RBPJ: variants seen among roughly 807,000 people sequenced by gnomAD.
RBPJ encodes the protein recombination signal binding protein for immunoglobulin kappa J region, also known as recombining binding protein suppressor of hairless.
RBPJ carries 9 observed loss-of-function variants against 67.8 expected under a neutral mutation model. The ratio of observed to expected loss-of-function variants is 0.13; its 90% CI spans 0.08 to 0.23. The LOEUF is 0.23. Among genes scored for constraint, RBPJ ranks in the 10% least tolerant of loss-of-function variants. The probability of loss-of-function intolerance (pLI) is 1.00; values close to 1 mark genes in which losing one functional copy is unlikely to be tolerated. For missense variants in RBPJ, 305 were observed against 595.6 expected (o/e 0.51, Z 5.08); for synonymous variants, 198 against 203.3 (o/e 0.97, Z 0.22).
chr4:26,240,693 G>T (rs1383272961), intron 1 of RBPJ, among the ~76,000 whole-genome samples: 1 of 152,126 alleles, frequency 6.6e-6, no homozygotes, highest in African/African-American at 2.4e-5. Flanking sequence ...TGCATTCCAG[G>T]TTTAATGTTA....
At chr4:26,244,676 G>A (rs1440068887) in intron 1 of RBPJ, among the ~76,000 whole-genome samples, 2 of 152,020 alleles carry the variant, frequency 1.3e-5, no homozygotes, top group African/African-American at 4.8e-5. Flanking sequence ...GGCCCAGGCT[G>A]GAGTGCAGTG....
rs577604400 is a variant in RBPJ, at chr4:26,175,380, G to A, written c.-167+11766G>A. Among the ~76,000 whole-genome samples the A allele has an allele frequency of 1.3e-5, 2 of 152,066 alleles. 1 individual carries two copies. The highest frequency in any genetic ancestry group is 4.8e-5 in the African/African-American group (2 of 41,370). ...TACAAGCTGGGGGAGCTTGAGCTGG[G>A]GGGGGGATTTGAGTCTGGGGGAGGC... On this transcript the variant is annotated intron_variant, in intron 1 of 4. Transcript: ENST00000512351.
chr4:26,378,538 G>A (rs1022796797), intron 1 of RBPJ, among the ~76,000 whole-genome samples: 1 of 152,134 alleles, frequency 6.6e-6, no homozygotes, highest in African/African-American at 2.4e-5. Flanking sequence ...ACTAAACCTG[G>A]AAACAATATT....
chr4:26,204,906 C>T (rs1718116620), intron 1 of RBPJ, among the ~76,000 whole-genome samples: 1 of 152,166 alleles, frequency 6.6e-6, no homozygotes, highest in Non-Finnish European at 1.5e-5. Flanking sequence ...ATAGTCTCAC[C>T]CCCTGCACTC....
intron 1 of RBPJ, among the ~76,000 whole-genome samples, chr4:26,204,037 C>T (rs1718079158): frequency 6.6e-6 from 1 of 152,128 alleles, no homozygotes; most frequent in Non-Finnish European, 1.5e-5. Context: ...TTCAACCTCC[C>T]AGGCTCAAGC....
At chr4:26,322,926 A>C (rs566530120) in intron 1 of RBPJ, 1 of 150,842 alleles carries the variant, frequency 6.6e-6, no homozygotes, top group African/African-American at 2.4e-5. Context: ...TTTTTTTTCT[A>C]CTGGTTGATC....
At chr4:26,313,217 C>T (rs930766119) in intron 1 of RBPJ, among the ~76,000 whole-genome samples, 10 of 152,174 alleles carry the variant, frequency 6.6e-5, no homozygotes, top group South Asian at 2.1e-4. Flanking sequence ...GCCACCAAGC[C>T]GGAACCATAA....
At chr4:26,416,698 G>A (rs1734625848) in intron 4 of RBPJ, among the ~76,000 whole-genome samples, 1 of 152,140 alleles carries the variant, frequency 6.6e-6, no homozygotes, top group Non-Finnish European at 1.5e-5. Flanking sequence ...ATACATCCTT[G>A]TTGAATATTT....
In RBPJ at chr4:26,290,249, G is replaced by C. The variant is rs1286856316; in HGVS notation, c.-166-72197G>C. ...AGCTACTTGGAAGACTGTGACAGGAGGTTCACTTGAGCTCAGGAGTTTGAG... is the reference window on the plus strand; with the variant it reads ...AGCTACTTGGAAGACTGTGACAGGACGTTCACTTGAGCTCAGGAGTTTGAG... On this transcript the variant is annotated intron_variant, in intron 1 of 4. Coordinates refer to the RBPJ transcript ENST00000512351. 3.4e-5 allele frequency among the ~76,000 whole-genome samples: 5 copies of C among 147,062 alleles called. No individual in the cohort carries two copies. The Admixed American group carries it at 3.4e-4, about 10-fold the overall frequency.
intron 4 of RBPJ, among the ~76,000 whole-genome samples, chr4:26,416,870 T>C (rs1357965840): frequency 6.6e-6 from 1 of 152,256 alleles, no homozygotes; most frequent in Non-Finnish European, 1.5e-5. Flanking sequence ...TGTTTGTATG[T>C]CATTTATATC....
the RBPJ span, among the ~76,000 whole-genome samples, chr4:26,108,377 CT>C: frequency 6.6e-6 from 1 of 152,214 alleles, no homozygotes; most frequent in Non-Finnish European, 1.5e-5. Flanking sequence ...GGGCAGTTCC[CT>C]TTGCCTTTTA....
At chr4:26,314,628 C>T (rs950773926) in intron 1 of RBPJ, among the ~76,000 whole-genome samples, 1 of 152,132 alleles carries the variant, frequency 6.6e-6, no homozygotes, top group Admixed American at 6.6e-5. Flanking sequence ...CTGCTCCCAT[C>T]TAAGTCGCCT....
the RBPJ span, among the ~76,000 whole-genome samples, chr4:26,136,455 G>A: frequency 6.6e-6 from 1 of 152,140 alleles, no homozygotes; most frequent in African/African-American, 2.4e-5. Flanking sequence ...GTGGAAATTG[G>A]GTGGGCAATG....
At chr4:26,297,989 G>A (rs1259771401) in intron 1 of RBPJ, among the ~76,000 whole-genome samples, 1 of 151,884 alleles carries the variant, frequency 6.6e-6, no homozygotes, top group African/African-American at 2.4e-5. Context: ...TTAAAATTCA[G>A]GGTTTTGTCT....
At chr4:26,150,764 G>A in the RBPJ span, among the ~76,000 whole-genome samples, 2 of 152,094 alleles carry the variant, frequency 1.3e-5, no homozygotes, top group Non-Finnish European at 1.5e-5. Flanking sequence ...CACATACCCC[G>A]GTCTCATGGG....
At chr4:26,316,456 TAC>T (rs1237075300), upstream of RBPJ, among the ~76,000 whole-genome samples, 88 of 144,686 alleles carry the variant, frequency 6.1e-4, 2 homozygotes, top group African/African-American at 2.2e-3. Flanking sequence ...CATTCATATA[TAC>T]ATTCATATAT....
the RBPJ span, among the ~76,000 whole-genome samples, chr4:26,157,913 T>G: frequency 6.6e-6 from 1 of 152,196 alleles, no homozygotes; most frequent in Non-Finnish European, 1.5e-5. Flanking sequence ...CAAAATAATC[T>G]TGGATGATCT....
chr4:26,296,684 C>G (rs1721885864), intron 1 of RBPJ, among the ~76,000 whole-genome samples: 1 of 152,130 alleles, frequency 6.6e-6, no homozygotes, highest in Non-Finnish European at 1.5e-5. Context: ...CTAATATACG[C>G]TACATACTTG....
intron 1 of RBPJ, among the ~76,000 whole-genome samples, chr4:26,227,732 G>A (rs979460515): frequency 4.6e-5 from 7 of 152,212 alleles, no homozygotes; most frequent in Admixed American, 3.9e-4. Flanking sequence ...TCTTGATGTA[G>A]AAATTCACCA....
Sources: gnomAD v4.1 joint callset for allele counts (sites outside exome capture counted in the v4.1 genomes callset) on GRCh38, gnomAD v4.1.1 for gene constraint, MANE v1.5 for transcripts, NCBI Gene and HGNC (gene_info 2026-07-23, HGNC 2026-07-21) for gene names.